FANCC: variants seen among roughly 807,000 people sequenced by gnomAD.
The protein encoded by FANCC is FA complementation group C.
In FANCC, 55 loss-of-function variants were observed where a neutral mutation model predicts 71.3. The observed-to-expected ratio is 0.77, with a 90% CI of 0.62 to 0.97. The LOEUF is 0.97. Among genes scored for constraint, FANCC ranks in the 50% least tolerant of loss-of-function variants. The pLI is 0.00. For synonymous variants in FANCC, 275 were observed against 244.9 expected (o/e 1.12, Z -1.15); for missense variants, 678 against 670.9 (o/e 1.01, Z -0.12).
At chr9:95,213,322 A>T (rs1588290818) in intron 4 of FANCC, among the ~76,000 whole-genome samples, 1 of 152,144 alleles carries the variant, frequency 6.6e-6, no homozygotes, top group South Asian at 2.1e-4. Flanking sequence ...AGTAAAAACC[A>T]TCAATCAAAA....
intron 1 of FANCC, among the ~76,000 whole-genome samples, chr9:95,281,008 G>T (rs1376033945): frequency 6.6e-6 from 1 of 151,970 alleles, no homozygotes; most frequent in Non-Finnish European, 1.5e-5. Flanking sequence ...CGTAACTAAA[G>T]GTGAAAAAGG....
intron 1 of FANCC, among the ~76,000 whole-genome samples, chr9:95,287,500 C>T (rs1833758845): frequency 6.6e-6 from 1 of 152,214 alleles, no homozygotes; most frequent in African/African-American, 2.4e-5. Context: ...GGCAATGTCT[C>T]TGTCTGCTGT....
chr9:95,245,601 T>C (rs570933793), intron 3 of FANCC, among the ~76,000 whole-genome samples: 7 of 151,822 alleles, frequency 4.6e-5, no homozygotes, highest in Non-Finnish European at 1.0e-4. Context: ...ATTGTTGTCA[T>C]TGTTAAACCC....
intron 4 of FANCC, among the ~76,000 whole-genome samples, chr9:95,218,996 T>C (rs981579120): frequency 1.5e-4 from 23 of 152,246 alleles, no homozygotes; most frequent in African/African-American, 5.5e-4. Context: ...TGGCATAGCA[T>C]GGGAGAGACA....
At position 95,189,666 on chromosome 9, in the gene FANCC, G is replaced by A. The variant is rs147612767; in HGVS notation, c.346-17519C>T. 2.1e-3 allele frequency among the ~76,000 whole-genome samples: 313 copies of A among 152,268 alleles called. 1 individual carries two copies. The highest frequency in any genetic ancestry group is 6.9e-3 in the African/African-American group (286 of 41,534). ...TGTAGATACACAGACCTGGAAATGT[G>A]TGCTTTACTAAATACATTCACTAGG... On this transcript the variant is annotated intron_variant, in intron 4 of 14. Coordinates refer to ENST00000289081, the MANE Select transcript of FANCC (RefSeq NM_000136.3).
chr9:95,102,262 T>C (rs545755648), intron 14 of FANCC, among the ~76,000 whole-genome samples: 3 of 152,322 alleles, frequency 2.0e-5, no homozygotes, highest in South Asian at 4.1e-4. Flanking sequence ...AACATGAGAA[T>C]TGGAAAATAC....
chr9:95,187,611 C>A (rs1400859570), intron 4 of FANCC, among the ~76,000 whole-genome samples: 1 of 152,112 alleles, frequency 6.6e-6, no homozygotes, highest in Non-Finnish European at 1.5e-5. Flanking sequence ...AGAATCTGTT[C>A]TTCCAACAGG....
At chr9:95,221,325 T>C (rs1331643103) in intron 4 of FANCC, among the ~76,000 whole-genome samples, 2 of 152,180 alleles carry the variant, frequency 1.3e-5, no homozygotes, top group Admixed American at 1.3e-4. Flanking sequence ...TCCCACCTCA[T>C]AACTGTCTAG....
At chr9:95,154,243 C>T (rs890785075) in intron 6 of FANCC, among the ~76,000 whole-genome samples, 1 of 50,366 alleles carries the variant, frequency 2.0e-5, no homozygotes, top group African/African-American at 1.0e-4. Context: ...AAGACTCCGT[C>T]TCAAAAAAAA....
intron 4 of FANCC, among the ~76,000 whole-genome samples, chr9:95,224,248 A>G (rs1298001756): frequency 6.6e-6 from 1 of 152,190 alleles, no homozygotes; most frequent in Non-Finnish European, 1.5e-5. Context: ...CACAGATTCT[A>G]GAGCTAAAAA....
intron 12 of FANCC, chr9:95,113,616 A>G (rs1413120615): frequency 1.4e-5 from 2 of 147,586 alleles, no homozygotes; most frequent in African/African-American, 5.0e-5. Flanking sequence ...AGACCTCTAC[A>G]AAAAAAAAAA....
intron 1 of FANCC, chr9:95,292,596 G>A (rs1834108305): frequency 5.5e-6 from 8 of 1,460,998 alleles, no homozygotes; most frequent in South Asian, 1.1e-5. Context: ...CCTGTGCACC[G>A]TGCGCGGCTG....
intron 1 of FANCC, among the ~76,000 whole-genome samples, chr9:95,307,711 T>C (rs1322968349): frequency 1.3e-5 from 2 of 152,204 alleles, no homozygotes; most frequent in South Asian, 2.1e-4. Flanking sequence ...CCAAAGAAGA[T>C]AGCCAGTAGG....
Position 95,154,245 on chromosome 9 carries a change from C to CAAAAA in FANCC, c.522-4163_522-4159dup, listed in dbSNP as rs58720791. Among the ~76,000 whole-genome samples the CAAAAA allele has an allele frequency of 2.2e-3, 111 of 49,948 alleles. 6 individuals are homozygous for CAAAAA. The highest frequency in any genetic ancestry group is 8.1e-3 in the African/African-American group (105 of 12,982). The allele number at this position is 49,948 out of a possible 152,430, so 32.8% of individuals were successfully genotyped here. ...AGGGTGACAGAGCAAGACTCCGTCT[C>CAAAAA]AAAAAAAAAAAAAAAAAAAAAAAAA... On this transcript the variant is annotated intron_variant, in intron 6 of 14. Transcript: ENST00000289081.
intron 1 of FANCC, chr9:95,292,466 A>T (rs1834096528): frequency 3.1e-6 from 4 of 1,308,088 alleles, no homozygotes; most frequent in Non-Finnish European, 2.9e-6. Context: ...CGGGACCCCG[A>T]CTGAGGGGCA....
intron 4 of FANCC, among the ~76,000 whole-genome samples, chr9:95,218,246 C>T (rs1829000095): frequency 6.6e-6 from 1 of 152,158 alleles, no homozygotes; most frequent in Non-Finnish European, 1.5e-5. Context: ...GGGAGAATCG[C>T]TTGAGACTAG....
chr9:95,138,640 A>G (rs1309618431), intron 7 of FANCC, among the ~76,000 whole-genome samples: 1 of 152,196 alleles, frequency 6.6e-6, no homozygotes, highest in Non-Finnish European at 1.5e-5. Context: ...GTTTCACTGC[A>G]GTGAGAGGTC....
rs587779903 is a variant in FANCC, at chr9:95,101,777, A to G, written c.1607T>C (p.Leu536Pro). 9.0e-5 allele frequency: 145 copies of G among 1,614,058 alleles called. No individual in the cohort carries two copies. The highest frequency in any genetic ancestry group is 1.1e-4 in the Non-Finnish European group (133 of 1,180,044). Residue 536 changes from leucine to proline, a missense_variant, in exon 15 of 15, where the codon CTT becomes CCT. Coordinates refer to ENST00000289081, the MANE Select transcript of FANCC (RefSeq NM_000136.3). The stretch of plus-strand genomic sequence containing the variant: ...TTCTGATCTAGGGCTTTCAATGCCA[A>G]GACGATTCCATCTGTACAAGGTCTG... The part of the protein sequence containing the change: ...LDQTLYRWNR[L>P]GIESPRSEKL...
chr9:95,249,797 G>T (rs981504622), intron 1 of FANCC, among the ~76,000 whole-genome samples: 1 of 152,068 alleles, frequency 6.6e-6, no homozygotes, highest in African/African-American at 2.4e-5. Context: ...TGTTTTATAT[G>T]AATTTCTGGC....
Sources: gnomAD v4.1 joint callset for allele counts (sites outside exome capture counted in the v4.1 genomes callset) on GRCh38, gnomAD v4.1.1 for gene constraint, MANE v1.5 for transcripts, NCBI Gene and HGNC (gene_info 2026-07-23, HGNC 2026-07-21) for gene names.